The following ATP10B variants were observed in gnomAD, a reference collection of about 807,000 sequenced individuals.
ATP10B encodes the protein phospholipid-transporting ATPase VB.
Under a neutral mutation model 141.2 loss-of-function variants are expected in ATP10B, and 122 were observed. The observed-to-expected ratio is 0.86, with a 90% confidence interval of 0.75 to 1.00. The LOEUF is 1.00. ATP10B is among the 50% of genes least tolerant of loss of function. ATP10B has a pLI of 0.00. For missense variants in ATP10B, 1,876 were observed against 1,825.3 expected, an observed-to-expected ratio of 1.03 and a Z score of -0.51; for synonymous variants, 685 against 692.0, an observed-to-expected ratio of 0.99 and a Z score of 0.16.
chr5:160,619,577 G>A (rs1379433258), intron 15 of ATP10B, among the ~76,000 whole-genome samples: 2 of 152,136 alleles, frequency 1.3e-5, no homozygotes, highest in South Asian at 2.1e-4. Flanking sequence ...GGCTGATAAT[G>A]CAGGAGGCAC....
chr5:160,735,388 T>G (rs545128441), intron 2 of ATP10B, among the ~76,000 whole-genome samples: 182 of 152,090 alleles, frequency 1.2e-3, no homozygotes, highest in Admixed American at 5.4e-3. Context: ...ACAAAAACTA[T>G]AAGAGACAAT....
At chr5:160,659,329 G>C (rs760645847) in intron 7 of ATP10B, among the ~76,000 whole-genome samples, 4 of 151,970 alleles carry the variant, frequency 2.6e-5, no homozygotes, top group Non-Finnish European at 5.9e-5. Context: ...GCCGGGTATG[G>C]TAGTGGGCAC....
chr5:160,604,591 T>G (rs1216569510), intron 19 of ATP10B, among the ~76,000 whole-genome samples: 1 of 152,172 alleles, frequency 6.6e-6, no homozygotes, highest in African/African-American at 2.4e-5. Context: ...ATGATATTGT[T>G]TTGTTTCTCA....
rs555683359 is a variant in ATP10B, at chr5:160,565,599, A to G, written c.4240T>C (p.Ser1414Pro). The change falls in exon 26 of 26, where the codon TCA becomes CCA. Residue 1414 changes from serine to proline, a missense_variant. By Grantham distance (74) the Ser-to-Pro change is moderately conservative. Coordinates refer to ENST00000327245, the MANE Select transcript of ATP10B (RefSeq NM_025153.3). ...GAGAGTTGAGCTGAGGAGTCCCCTG[A>G]GCATGAGTCATCCCTCATGCACTCC... ...GTECMRDDSC[S>P]GDSSAQLSSG... 16 of 1,614,102 alleles carry G rather than the reference A, an allele frequency of 9.9e-6. No individual in the cohort carries two copies. The highest frequency in any genetic ancestry group is 1.4e-5 in the Non-Finnish European group (16 of 1,179,988).
intron 7 of ATP10B, among the ~76,000 whole-genome samples, chr5:160,668,750 T>C (rs1424164889): frequency 2.0e-5 from 3 of 152,186 alleles, no homozygotes; most frequent in Non-Finnish European, 4.4e-5. Flanking sequence ...GGTAGCAAAC[T>C]CTTTATTCTG....
chr5:160,636,096 C>T (rs1759345572), intron 11 of ATP10B, 86 bp downstream of exon 11: 1 of 1,424,274 alleles, frequency 7.0e-7, no homozygotes, highest in East Asian at 2.4e-5. Flanking sequence ...TTCTAGTGGC[C>T]AGCACTGTTT....
intron 2 of ATP10B, among the ~76,000 whole-genome samples, chr5:160,782,212 T>C (rs1211319168): frequency 6.6e-6 from 1 of 152,118 alleles, no homozygotes; most frequent in Non-Finnish European, 1.5e-5. Flanking sequence ...ACACTTGGTA[T>C]ATATTGGTCA....
chr5:160,685,968 A>G (rs1763724020), intron 6 of ATP10B, 111 bp downstream of exon 6: 1 of 888,472 alleles, frequency 1.1e-6, no homozygotes, highest in South Asian at 3.1e-5. Flanking sequence ...GAATCAGTGA[A>G]TTAAATAATT....
chr5:160,814,411 G>A (rs1003400439), intron 1 of ATP10B, among the ~76,000 whole-genome samples: 6 of 152,186 alleles, frequency 3.9e-5, no homozygotes, highest in African/African-American at 1.4e-4. Flanking sequence ...TGAATGAAAT[G>A]AAGTGAGAAG....
At chr5:160,731,743 C>T (rs1354607322) in intron 2 of ATP10B, among the ~76,000 whole-genome samples, 2 of 152,152 alleles carry the variant, frequency 1.3e-5, no homozygotes, top group Non-Finnish European at 2.9e-5. Context: ...AAGGTTACTC[C>T]AAGTTCTGTC....
intron 2 of ATP10B, among the ~76,000 whole-genome samples, chr5:160,752,338 G>A (rs1043385890): frequency 2.6e-5 from 4 of 152,092 alleles, no homozygotes; most frequent in African/African-American, 4.8e-5. Flanking sequence ...ACCTGTGAAA[G>A]GTTACAGAAG....
chr5:160,835,341 G>A (rs556022043), intron 1 of ATP10B, among the ~76,000 whole-genome samples: 5 of 152,210 alleles, frequency 3.3e-5, no homozygotes, highest in East Asian at 1.9e-4. Flanking sequence ...TGTTGTTGTC[G>A]GAAGAATGTT....
chr5:160,599,027 C>T (rs139029862), intron 21 of ATP10B, 57 bp from the exon 22 acceptor site: 82 of 1,562,974 alleles, frequency 5.2e-5, no homozygotes, highest in Non-Finnish European at 7.0e-5. Flanking sequence ...CGGTCACCAG[C>T]TCCTGCTTGG....
At chr5:160,776,754 C>T (rs1770356162) in intron 2 of ATP10B, among the ~76,000 whole-genome samples, 1 of 152,210 alleles carries the variant, frequency 6.6e-6, no homozygotes, top group Non-Finnish European at 1.5e-5. Flanking sequence ...GCCTAGTCAT[C>T]TCTACGCTTA....
intron 1 of ATP10B, among the ~76,000 whole-genome samples, chr5:160,812,401 GACTAAATAAGGT>G (rs149201604): frequency 0.12 from 18,069 of 152,110 alleles, 1,201 homozygotes; most frequent in East Asian, 0.18. Context: ...TCACTAAATG[GACTAAATAAGGT>G]ACCAGGGACC....
chr5:160,697,273 G>C (rs1375298217), intron 3 of ATP10B, among the ~76,000 whole-genome samples: 1 of 152,128 alleles, frequency 6.6e-6, no homozygotes. Context: ...GACCTGCCCA[G>C]GAAAATTCAG....
At chr5:160,780,796 C>T (rs1055089579) in intron 2 of ATP10B, among the ~76,000 whole-genome samples, 3 of 152,154 alleles carry the variant, frequency 2.0e-5, no homozygotes, top group Non-Finnish European at 4.4e-5. Flanking sequence ...TACTGCACTA[C>T]ATTCTAGGGA....
At chr5:160,685,386 A>G in intron 6 of ATP10B, 1 of 517,306 alleles carries the variant, frequency 1.9e-6, no homozygotes, top group Non-Finnish European at 3.4e-6. Flanking sequence ...TGCAGAGAAC[A>G]GGTGTGTATC....
At chr5:160,789,250 T>C (rs1310022788) in intron 1 of ATP10B, among the ~76,000 whole-genome samples, 1 of 152,178 alleles carries the variant, frequency 6.6e-6, no homozygotes, top group African/African-American at 2.4e-5. Context: ...CATTAAGTGC[T>C]AACAAATTTG....
Sources: allele counts gnomAD v4.1 joint callset (sites outside exome capture counted in the v4.1 genomes callset), GRCh38; gene constraint gnomAD v4.1.1; transcripts MANE v1.5; gene names NCBI Gene and HGNC (gene_info 2026-07-23, HGNC 2026-07-21).